The following CCDC178 variants were observed in gnomAD, a reference collection of about 807,000 sequenced individuals.
CCDC178 encodes the protein coiled-coil domain containing 178, also known as coiled-coil domain-containing protein 178.
Under a neutral mutation model 117.4 loss-of-function variants are expected in CCDC178, and 126 were observed. That is an observed-to-expected ratio of 1.07 (90% CI 0.93 to 1.24). The LOEUF is 1.24. CCDC178 is among the 50% of genes most tolerant of loss of function. The pLI, the probability that CCDC178 is intolerant of heterozygous loss-of-function variation, is 0.00. For missense variants in CCDC178, 1,030 were observed against 986.9 expected (o/e 1.04, Z -0.59); for synonymous variants, 283 against 313.4 (o/e 0.90, Z 1.02).
chr18:33,064,860 A>C (rs1456794456), intron 21 of CCDC178, among the ~76,000 whole-genome samples: 1 of 152,174 alleles, frequency 6.6e-6, no homozygotes, highest in South Asian at 2.1e-4. Flanking sequence ...TCAACAATGA[A>C]TGAAAGAAGA....
intron 21 of CCDC178, among the ~76,000 whole-genome samples, chr18:33,003,274 A>G (rs2055679566): frequency 6.6e-6 from 1 of 152,172 alleles, no homozygotes; most frequent in African/African-American, 2.4e-5. Context: ...ACATTAATGA[A>G]GAAAATCCTC....
intron 21 of CCDC178, among the ~76,000 whole-genome samples, chr18:33,042,949 A>G (rs374725802): frequency 1.3e-5 from 2 of 151,996 alleles, no homozygotes; most frequent in African/African-American, 4.8e-5. Context: ...ATGTAGGACA[A>G]CTGAGCATTG....
chr18:33,261,523 T>G (rs1326988804), intron 14 of CCDC178, among the ~76,000 whole-genome samples: 3 of 152,220 alleles, frequency 2.0e-5, no homozygotes, highest in Admixed American at 2.0e-4. Flanking sequence ...ATTTTGTGGA[T>G]TTGATGTTTC....
At chr18:33,279,242 G>A (rs908730703) in intron 12 of CCDC178, among the ~76,000 whole-genome samples, 1 of 152,150 alleles carries the variant, frequency 6.6e-6, no homozygotes, top group Non-Finnish European at 1.5e-5. Flanking sequence ...AAGCTGATAA[G>A]CAACTTAAGC....
At chr18:33,261,372 C>A (rs1201725718) in intron 14 of CCDC178, among the ~76,000 whole-genome samples, 2 of 152,178 alleles carry the variant, frequency 1.3e-5, no homozygotes, top group Admixed American at 1.3e-4. Flanking sequence ...CTTGAGCCAC[C>A]ACGCCCGGCC....
At chr18:33,255,795 C>A (rs1023526289) in intron 14 of CCDC178, among the ~76,000 whole-genome samples, 3 of 151,852 alleles carry the variant, frequency 2.0e-5, no homozygotes, top group African/African-American at 7.3e-5. Flanking sequence ...GAGATTAGTA[C>A]CCTAAACTAA....
intron 21 of CCDC178, among the ~76,000 whole-genome samples, chr18:32,996,022 C>T (rs1377666062): frequency 1.3e-5 from 2 of 151,244 alleles, no homozygotes; most frequent in African/African-American, 2.4e-5. Flanking sequence ...AAATAAAGTG[C>T]AAAGTCAAAT....
At chr18:33,265,440 G>T (rs1427590373) in intron 14 of CCDC178, among the ~76,000 whole-genome samples, 1 of 152,066 alleles carries the variant, frequency 6.6e-6, no homozygotes, top group Non-Finnish European at 1.5e-5. Flanking sequence ...ACATATGACA[G>T]AGGAATTGAA....
chr18:33,345,369 T>C (rs1477729876), intron 9 of CCDC178, among the ~76,000 whole-genome samples: 4 of 152,128 alleles, frequency 2.6e-5, no homozygotes, highest in Admixed American at 6.5e-5. Context: ...TCCTTCACCA[T>C]AGGTCCCTCA....
At chr18:33,415,288 C>A (rs942781128) in intron 2 of CCDC178, among the ~76,000 whole-genome samples, 1 of 152,120 alleles carries the variant, frequency 6.6e-6, no homozygotes, top group Non-Finnish European at 1.5e-5. Context: ...ATAGCAAAGA[C>A]TTGGAACCAA....
chr18:32,998,679 C>T (rs1810593961), intron 21 of CCDC178, among the ~76,000 whole-genome samples: 1 of 152,164 alleles, frequency 6.6e-6, no homozygotes, highest in Non-Finnish European at 1.5e-5. Context: ...ATTCCAGAGG[C>T]TCCTATTCCA....
At chr18:33,156,079 AC>A (rs1338874765) in intron 20 of CCDC178, among the ~76,000 whole-genome samples, 1 of 146,164 alleles carries the variant, frequency 6.8e-6, no homozygotes, top group Non-Finnish European at 1.5e-5. Flanking sequence ...CAGCTAGAAA[AC>A]ACTTTTTTTT....
Position 33,025,637 on chromosome 18 carries a change from A to T in CCDC178, c.2389-50956T>A, listed in dbSNP as rs1312834338. ...TATACGTATGACAAATAAGCACATG[A>T]AGAGATGCCCAACATCATTAGCCAT... is the stretch of plus-strand genomic sequence containing the variant. On this transcript the variant is annotated intron_variant, in intron 21 of 22. Transcript: ENST00000383096. 2.0e-5 allele frequency among the ~76,000 whole-genome samples: 3 copies of T among 152,218 alleles called. 1 individual carries two copies. Among genetic ancestry groups the T allele is most frequent in the Admixed American group, 1.3e-4 (2 of 15,284 alleles).
chr18:33,037,487 A>G (rs2056466433), intron 21 of CCDC178, among the ~76,000 whole-genome samples: 1 of 151,934 alleles, frequency 6.6e-6, no homozygotes, highest in Non-Finnish European at 1.5e-5. Flanking sequence ...CAATCACACA[A>G]TTGGAGGTAT....
At position 32,938,019 on chromosome 18, in the gene CCDC178, C is replaced by T. The variant is rs200567065; in HGVS notation, c.2596G>A (p.Asp866Asn). 5.6e-5 allele frequency: 90 copies of T among 1,612,206 alleles called. No homozygotes were observed. Among genetic ancestry groups the T allele is most frequent in the Admixed American group, 3.7e-4 (22 of 60,002 alleles). Residue 866 changes from aspartate (D) to asparagine (N), a missense_variant, in exon 23 of 23, where the codon GAT becomes AAT. Physicochemically the swap from Asp to Asn is conservative, Grantham distance 23 (BLOSUM62 1). Coordinates refer to ENST00000383096, the MANE Select transcript of CCDC178 (RefSeq NM_001105528.4). ...ATACATTGGTTGTTTGCTTAACCATCGTTTTCGCATGTGCCATCTGTCAAA... is the reference window on the plus strand; with the variant it reads ...ATACATTGGTTGTTTGCTTAACCATTGTTTTCGCATGTGCCATCTGTCAAA... The part of the protein sequence containing the change: ...QTLTDGTCEN[D>N]G
chr18:33,098,534 A>G (rs1009261765), intron 20 of CCDC178, among the ~76,000 whole-genome samples: 2 of 152,030 alleles, frequency 1.3e-5, no homozygotes, highest in Admixed American at 6.6e-5. Context: ...TACTGCAGAC[A>G]GCTCCTTGCT....
At chr18:33,389,343 C>T (rs1251261960) in intron 5 of CCDC178, among the ~76,000 whole-genome samples, 197 bp downstream of exon 5, 2 of 151,388 alleles carry the variant, frequency 1.3e-5, no homozygotes, top group African/African-American at 2.4e-5. Context: ...ATTCATAAAC[C>T]CAGATTATAC....
intron 12 of CCDC178, among the ~76,000 whole-genome samples, chr18:33,276,728 G>C (rs924016692): frequency 2.6e-5 from 4 of 152,062 alleles, no homozygotes; most frequent in Non-Finnish European, 2.9e-5. Flanking sequence ...ATGGTAAAAA[G>C]AAAATTGGGG....
chr18:33,093,145 A>G (rs952762874), intron 20 of CCDC178, among the ~76,000 whole-genome samples: 3 of 152,034 alleles, frequency 2.0e-5, no homozygotes, highest in Non-Finnish European at 2.9e-5. Context: ...TGTGTGATTC[A>G]TCAGAGTTAG....
Sources: gnomAD v4.1 joint callset for allele counts (sites outside exome capture counted in the v4.1 genomes callset) on GRCh38, gnomAD v4.1.1 for gene constraint, MANE v1.5 for transcripts, NCBI Gene and HGNC (gene_info 2026-07-23, HGNC 2026-07-21) for gene names.